GABRA3: variants seen among roughly 807,000 people sequenced by gnomAD.
The protein encoded by GABRA3 is gamma-aminobutyric acid type A receptor subunit alpha3.
GABRA3 carries 10 observed loss-of-function variants against 30.1 expected under a neutral mutation model. The observed-to-expected ratio is 0.33, with a 90% CI of 0.20 to 0.56. GABRA3 has a LOEUF of 0.56. Ranked by LOEUF, GABRA3 falls within the 20% of genes least tolerant of loss-of-function variation. GABRA3 has a pLI of 0.89. For synonymous variants in GABRA3, 151 were observed against 146.8 expected (o/e 1.03, Z -0.21); for missense variants, 233 against 392.0 (o/e 0.59, Z 3.42).
intron 5 of GABRA3, among the ~76,000 whole-genome samples, chrX:152,249,790 T>A (rs1440907471): frequency 9.0e-6 from 1 of 111,121 alleles, no homozygotes; most frequent in Non-Finnish European, 1.9e-5. Flanking sequence ...TTATACATGC[T>A]ATGCTCTATC....
At chrX:152,384,669 A>G (rs1266222919) in intron 1 of GABRA3, among the ~76,000 whole-genome samples, 1 of 112,494 alleles carries the variant, frequency 8.9e-6, no homozygotes, top group Non-Finnish European at 1.9e-5. Context: ...CCTGTACAAT[A>G]GAAATGAACT....
chrX:152,166,746 A>C lies in GABRA3; in HGVS notation c.*1482T>G, dbSNP rs573154906. ...GGGTGACACATTGTGACTTTCTAAA[A>C]ACCTTTTTGGTGCCCAACCAAGTTC... On this transcript the variant is annotated 3_prime_UTR_variant, in exon 10 of 10. Coordinates refer to ENST00000370314, the MANE Select transcript of GABRA3 (RefSeq NM_000808.4). The C allele has an allele frequency of 7.2e-5, 8 of 110,456 alleles. No individual in the cohort carries two copies. In the Admixed American group the frequency reaches 7.7e-4, roughly 11 times the overall value. 9.1% of individuals were successfully genotyped at this position (110,456 alleles called of 1,213,427 possible).
intron 5 of GABRA3, among the ~76,000 whole-genome samples, chrX:152,236,711 A>C (rs1938223506): frequency 9.6e-6 from 1 of 104,457 alleles, no homozygotes; most frequent in African/African-American, 3.5e-5. Flanking sequence ...ATGGTATCTC[A>C]TTGTGGTTTT....
intron 7 of GABRA3, among the ~76,000 whole-genome samples, chrX:152,199,314 C>T (rs1449254618): frequency 1.9e-5 from 2 of 102,939 alleles, no homozygotes; most frequent in Non-Finnish European, 4.0e-5. Flanking sequence ...GGCAGTGAGC[C>T]AAGGTCGTGC....
intron 7 of GABRA3, among the ~76,000 whole-genome samples, chrX:152,199,191 C>T (rs898361423): frequency 5.2e-4 from 57 of 108,672 alleles, no homozygotes; most frequent in Non-Finnish European, 9.2e-4. Flanking sequence ...ATGGTGAAAC[C>T]CCATCTCTAC....
intron 3 of GABRA3, among the ~76,000 whole-genome samples, chrX:152,287,211 T>C (rs957321806): frequency 1.8e-5 from 2 of 112,084 alleles, no homozygotes; most frequent in African/African-American, 3.2e-5. Flanking sequence ...AATTGTAAGA[T>C]AGTCATGCAG....
intron 9 of GABRA3, among the ~76,000 whole-genome samples, chrX:152,178,267 CGT>C (rs890631490): frequency 1.0e-4 from 8 of 80,153 alleles, no homozygotes; most frequent in South Asian, 5.7e-4. Context: ...TGTGTGTGTG[CGT>C]GTGTGTGTGT....
At chrX:152,375,500 C>G (rs1408297021) in intron 1 of GABRA3, among the ~76,000 whole-genome samples, 1 of 112,069 alleles carries the variant, frequency 8.9e-6, no homozygotes, top group Non-Finnish European at 1.9e-5. Context: ...AATTAGTGTT[C>G]TAGTCTGTTG....
intron 9 of GABRA3, among the ~76,000 whole-genome samples, chrX:152,185,329 A>G (rs372842561): frequency 1.8e-5 from 2 of 111,655 alleles, no homozygotes; most frequent in African/African-American, 6.5e-5. Context: ...TAGAGACTAA[A>G]GAGGAAGACT....
chrX:152,289,813 A>G (rs1014771711), intron 3 of GABRA3, among the ~76,000 whole-genome samples: 2 of 111,346 alleles, frequency 1.8e-5, no homozygotes, highest in Admixed American at 1.9e-4. Context: ...GACGGTTTCC[A>G]GCTGCATCCA....
intron 3 of GABRA3, among the ~76,000 whole-genome samples, chrX:152,305,822 C>G (rs963400652): frequency 2.7e-5 from 3 of 111,055 alleles, no homozygotes; most frequent in Non-Finnish European, 5.7e-5. Context: ...GCCTACATAT[C>G]AAAACCAATG....
intron 3 of GABRA3, among the ~76,000 whole-genome samples, chrX:152,308,486 C>T (rs1209087323): frequency 8.9e-6 from 1 of 112,231 alleles, no homozygotes; most frequent in East Asian, 2.8e-4. Flanking sequence ...AAGCAGAGGG[C>T]CTGGTCTCAG....
intron 1 of GABRA3, among the ~76,000 whole-genome samples, chrX:152,436,930 ATCT>A: frequency 9.0e-6 from 1 of 111,520 alleles, no homozygotes; most frequent in Middle Eastern, 4.7e-3. Flanking sequence ...CAAAACACAT[ATCT>A]TCTAAAGAAT....
chrX:152,223,993 C>A lies in GABRA3; in HGVS notation c.634+770G>T, dbSNP rs189518607. Among the ~76,000 whole-genome samples, 20 of 111,679 alleles carry A rather than the reference C, an allele frequency of 1.8e-4. 1 individual carries two copies. The South Asian group carries it at 7.5e-3, about 42-fold the overall frequency. ...AGAATAGAACCTGGCACACAGAATA[C>A]AATCTGTAAAGATCTGAAAAACTAA... is the stretch of plus-strand genomic sequence containing the variant. On this transcript the variant is annotated intron_variant, in intron 6 of 9. Transcript: ENST00000370314.
At chrX:152,435,415 A>T (rs991832910) in intron 1 of GABRA3, among the ~76,000 whole-genome samples, 2 of 111,608 alleles carry the variant, frequency 1.8e-5, no homozygotes, top group African/African-American at 6.5e-5. Context: ...CTATGCGGCC[A>T]TAACAAAGGG....
intron 3 of GABRA3, among the ~76,000 whole-genome samples, chrX:152,331,524 T>C (rs1033992269): frequency 1.2e-4 from 13 of 111,835 alleles, no homozygotes; most frequent in African/African-American, 4.2e-4. Flanking sequence ...TCCATGAAGG[T>C]GTTTGCCCAG....
At chrX:152,225,434 A>ACACACACACACG (rs1390959724) in intron 5 of GABRA3, among the ~76,000 whole-genome samples, 104 of 5,528 alleles carry the variant, frequency 0.019, no homozygotes, top group Non-Finnish European at 0.059. Flanking sequence ...ACACACACGC[A>ACACACACACACG]CACACACACA....
At chrX:152,440,379 A>T (rs998475058) in intron 1 of GABRA3, among the ~76,000 whole-genome samples, 10 of 112,340 alleles carry the variant, frequency 8.9e-5, no homozygotes, top group Non-Finnish European at 1.7e-4. Flanking sequence ...AACAGATGCT[A>T]GAGAGGATGT....
intron 9 of GABRA3, among the ~76,000 whole-genome samples, chrX:152,174,589 CTTTT>C (rs1006459185): frequency 7.1e-5 from 8 of 112,083 alleles, no homozygotes; most frequent in Non-Finnish European, 1.5e-4. Flanking sequence ...TAAATGTCTT[CTTTT>C]GAGAAGTGTC....
Sources: gnomAD v4.1 joint callset for allele counts (sites outside exome capture counted in the v4.1 genomes callset) on GRCh38, gnomAD v4.1.1 for gene constraint, MANE v1.5 for transcripts, NCBI Gene and HGNC (gene_info 2026-07-23, HGNC 2026-07-21) for gene names.